DOCK8: variants seen among roughly 807,000 people sequenced by gnomAD.
DOCK8 encodes dedicator of cytokinesis protein 8.
DOCK8 carries 141 observed loss-of-function variants against 245.6 expected under a neutral mutation model. The ratio of observed to expected loss-of-function variants is 0.57; its 90% confidence interval spans 0.50 to 0.66. The LOEUF is 0.66. Ranked by LOEUF, DOCK8 falls within the 30% of genes least tolerant of loss-of-function variation. The pLI is 0.00. For synonymous variants in DOCK8, 1,168 were observed against 970.2 expected, an observed-to-expected ratio of 1.20 and a Z score of -3.79; for missense variants, 2,965 against 2,603.4, an observed-to-expected ratio of 1.14 and a Z score of -3.02.
At chr9:292,821 A>G (rs368546893) in intron 4 of DOCK8, among the ~76,000 whole-genome samples, 7 of 152,308 alleles carry the variant, frequency 4.6e-5, no homozygotes, top group African/African-American at 1.4e-4. Flanking sequence ...CATGCTTAAA[A>G]TTTGATTCAC....
chr9:338,193 G>GTTAGT (rs2051409344), intron 12 of DOCK8, among the ~76,000 whole-genome samples: 1 of 151,880 alleles, frequency 6.6e-6, no homozygotes, highest in African/African-American at 2.4e-5. Flanking sequence ...GTAATTTTAT[G>GTTAGT]TTAGTTATAT....
At chr9:300,419 GGTGT>G (rs2049483923) in intron 4 of DOCK8, among the ~76,000 whole-genome samples, 1 of 151,886 alleles carries the variant, frequency 6.6e-6, no homozygotes, top group African/African-American at 2.4e-5. Context: ...CAAACAAAAT[GGTGT>G]GTGACCTGGA....
At chr9:214,554 C>T, upstream of DOCK8, 1 of 1,613,904 alleles carries the variant, frequency 6.2e-7, no homozygotes, top group Non-Finnish European at 8.5e-7. Context: ...CTTTGTGGGG[C>T]TCCCCCGACT....
At chr9:460,002 A>T (rs68016896) in intron 46 of DOCK8, 1 of 152,158 alleles carries the variant, frequency 6.6e-6, no homozygotes, top group African/African-American at 2.4e-5. Context: ...GGCATGGGCA[A>T]GGTTCTAGGA....
Position 464,073 on chromosome 9 carries a change from C to T in DOCK8, c.6240-86C>T, listed in dbSNP as rs756249312. 3.6e-5 allele frequency: 42 copies of T among 1,182,954 alleles called. No homozygotes were observed. In the Admixed American group the frequency reaches 5.7e-4, roughly 16 times the overall value. The allele number at this position is 1,182,954 out of a possible 1,614,324, so 73.3% of individuals were successfully genotyped here. Reference sequence around the variant, plus strand: ...GTCCATTTCTACTGGGTGATCCACCCCCAACCCTTTCTAAAAGGCTAACTG... The same window carrying T: ...GTCCATTTCTACTGGGTGATCCACCTCCAACCCTTTCTAAAAGGCTAACTG... On this transcript the variant is annotated intron_variant, in intron 47 of 47. Coordinates refer to ENST00000432829, the MANE Select transcript of DOCK8 (RefSeq NM_203447.4).
In DOCK8 at chr9:399,162, A is replaced by G. The variant is rs1564009591; in HGVS notation, c.3137A>G (p.Glu1046Gly). ...VKPQKENEQA[E>G]KMNISLAFFL... Reference sequence around the variant, plus strand: ...GTTTTTAAGGAAAATGAACAGGCGGAAAAGATGAACATCAGCCTGGCTTTC... The same window carrying G: ...GTTTTTAAGGAAAATGAACAGGCGGGAAAGATGAACATCAGCCTGGCTTTC... The change falls in exon 26 of 48, where the codon GAA (glutamate) becomes GGA (glycine). Residue 1046 changes from glutamate to glycine, a missense_variant. Physicochemically the swap from Glu to Gly is moderately conservative, Grantham distance 98 (BLOSUM62 -2). This residue lies in a region of DOCK8 where 2,825 missense variants were observed against 2,453.5 expected (regional missense o/e 1.15). Coordinates refer to ENST00000432829, the MANE Select transcript of DOCK8 (RefSeq NM_203447.4). 1.2e-6 allele frequency: 2 copies of G among 1,613,884 alleles called. No homozygotes were observed. Among genetic ancestry groups the G allele is most frequent in the Non-Finnish European group, 1.7e-6 (2 of 1,179,916 alleles).
chr9:245,989 G>A (rs1350771064), intron 1 of DOCK8, among the ~76,000 whole-genome samples: 2 of 152,162 alleles, frequency 1.3e-5, no homozygotes, highest in Admixed American at 6.5e-5. Context: ...GGAGGCCAAG[G>A]AGGGTGGATT....
chr9:226,397 A>C (rs143456279), intron 1 of DOCK8, among the ~76,000 whole-genome samples: 195 of 152,306 alleles, frequency 1.3e-3, no homozygotes, highest in African/African-American at 4.0e-3. Flanking sequence ...AACCATATCA[A>C]ATGGGATGGT....
intron 14 of DOCK8, among the ~76,000 whole-genome samples, chr9:361,238 T>A (rs2052714386): frequency 6.6e-6 from 1 of 152,032 alleles, no homozygotes; most frequent in African/African-American, 2.4e-5. Flanking sequence ...TGGGAGAGTC[T>A]GAAAGAGAGG....
intron 15 of DOCK8, chr9:369,402 G>C (rs1015425134): frequency 7.2e-5 from 11 of 152,288 alleles, no homozygotes; most frequent in African/African-American, 2.7e-4. Context: ...TTCTGGTGTT[G>C]GGATTACTGC....
chr9:356,903 G>A (rs2026642), intron 14 of DOCK8, among the ~76,000 whole-genome samples: 88,360 of 151,956 alleles, frequency 0.58, 26,558 homozygotes, highest in East Asian at 0.8. Flanking sequence ...ATCAGGATCG[G>A]GGAGAGAATT....
Position 315,031 on chromosome 9 carries a change from C to A in DOCK8, c.742-2012C>A, listed in dbSNP as rs180887688. On this transcript the variant is annotated intron_variant, in intron 6 of 47. Transcript: ENST00000432829. ...CCCTAAGAAAGATTCCACTGATACTCCAAATTATAGAAAAGTTTGCTGAGG... is the reference window on the plus strand; with the variant it reads ...CCCTAAGAAAGATTCCACTGATACTACAAATTATAGAAAAGTTTGCTGAGG... Among the ~76,000 whole-genome samples the A allele has an allele frequency of 1.1e-4, 16 of 152,228 alleles. No individual in the cohort carries two copies. The East Asian group carries it at 2.9e-3, about 28-fold the overall frequency.
intron 1 of DOCK8, among the ~76,000 whole-genome samples, chr9:220,334 T>A (rs1167088314): frequency 6.6e-6 from 1 of 152,184 alleles, no homozygotes; most frequent in African/African-American, 2.4e-5. Context: ...CATTTGGAGT[T>A]CTTTGAGTTC....
At chr9:331,692 G>A (rs1361367966) in intron 9 of DOCK8, among the ~76,000 whole-genome samples, 1 of 152,096 alleles carries the variant, frequency 6.6e-6, no homozygotes, top group Non-Finnish European at 1.5e-5. Flanking sequence ...TATGACAACT[G>A]GCCAGCCAGT....
At chr9:446,348 C>A in intron 43 of DOCK8, 22 bp from the exon 44 acceptor site, 1 of 1,599,680 alleles carries the variant, frequency 6.3e-7, no homozygotes, top group Non-Finnish European at 8.6e-7. Context: ...CATCTTCTCC[C>A]TCCGTGCCTT....
intron 39 of DOCK8, among the ~76,000 whole-genome samples, chr9:438,103 A>G (rs1285889771): frequency 2.6e-5 from 4 of 152,222 alleles, no homozygotes; most frequent in African/African-American, 7.2e-5. Context: ...CTATATTCCT[A>G]AAACTACGTT....
chr9:244,813 C>T (rs1480532960), intron 1 of DOCK8, among the ~76,000 whole-genome samples: 1 of 151,922 alleles, frequency 6.6e-6, no homozygotes, highest in African/African-American at 2.4e-5. Context: ...TCGTGAAGGC[C>T]CTATTGGTGT....
intron 4 of DOCK8, among the ~76,000 whole-genome samples, chr9:298,230 G>A (rs1218226426): frequency 6.6e-6 from 1 of 152,144 alleles, no homozygotes. Flanking sequence ...TTCGAGACCA[G>A]CCTGGCCAAC....
intron 2 of DOCK8, among the ~76,000 whole-genome samples, chr9:274,426 T>G (rs1232851101): frequency 6.6e-6 from 1 of 152,018 alleles, no homozygotes; most frequent in Non-Finnish European, 1.5e-5. Context: ...TCCTTCTACC[T>G]GGAGAACGGA....
Sources: gnomAD v4.1 joint callset for allele counts (sites outside exome capture counted in the v4.1 genomes callset) on GRCh38, gnomAD v4.1.1 for gene constraint, gnomAD v4.1.1 regional missense constraint, MANE v1.5 for transcripts, NCBI Gene and HGNC (gene_info 2026-07-23, HGNC 2026-07-21) for gene names.